The following COL4A2 variants were observed in gnomAD, a reference collection of about 807,000 sequenced individuals.
The protein encoded by COL4A2 is collagen type IV alpha 2 chain.
Under a neutral mutation model 200.2 loss-of-function variants are expected in COL4A2, and 99 were observed. That is an observed-to-expected ratio of 0.49 (90% confidence interval 0.42 to 0.58). The LOEUF (loss-of-function observed/expected upper bound fraction) is 0.58. COL4A2 is among the 20% of genes least tolerant of loss of function. The probability of loss-of-function intolerance (pLI) is 0.00; values close to 1 mark genes in which losing one functional copy is unlikely to be tolerated. For synonymous variants in COL4A2, 897 were observed against 900.6 expected, an observed-to-expected ratio of 1.00 and a Z score of 0.07; for missense variants, 1,950 against 2,314.1, an observed-to-expected ratio of 0.84 and a Z score of 3.23.
intron 3 of COL4A2, among the ~76,000 whole-genome samples, chr13:110,347,237 G>A (rs1876744258): frequency 6.6e-6 from 1 of 152,226 alleles, no homozygotes; most frequent in Non-Finnish European, 1.5e-5. Context: ...TTCCAAGGCA[G>A]CGTTGGCTTA....
intron 40 of COL4A2, among the ~76,000 whole-genome samples, chr13:110,499,700 G>C (rs1883579029): frequency 1.3e-5 from 2 of 152,202 alleles, no homozygotes. Context: ...TCAGTACTTA[G>C]GACGATCCAT....
chr13:110,374,939 A>G (rs114322588), intron 4 of COL4A2, among the ~76,000 whole-genome samples: 1,422 of 111,652 alleles, frequency 0.013, 26 homozygotes, highest in African/African-American at 0.044. Flanking sequence ...AGATCTGCCA[A>G]TTAATCTCCT....
chr13:110,371,343 A>G (rs1878000664), intron 4 of COL4A2, among the ~76,000 whole-genome samples: 1 of 152,250 alleles, frequency 6.6e-6, no homozygotes, highest in African/African-American at 2.4e-5. Flanking sequence ...GTGTGTGTGC[A>G]TGTACCTAGA....
chr13:110,330,408 G>A (rs990130487), intron 3 of COL4A2, among the ~76,000 whole-genome samples: 12 of 151,956 alleles, frequency 7.9e-5, no homozygotes, highest in African/African-American at 2.4e-4. Flanking sequence ...GGGTGGAGGC[G>A]GGGGGGCAGC....
intron 20 of COL4A2, among the ~76,000 whole-genome samples, chr13:110,452,485 G>A (rs11617745): frequency 0.71 from 107,482 of 152,102 alleles, 38,184 homozygotes; most frequent in Middle Eastern, 0.77. Flanking sequence ...TTAATTGTTT[G>A]TTTTTGGAAG....
chr13:110,501,573 C>A (rs1375467297), intron 40 of COL4A2, 95 bp from the exon 41 acceptor site: 65 of 1,107,958 alleles, frequency 5.9e-5, no homozygotes, highest in Non-Finnish European at 8.8e-5. Flanking sequence ...TCGCTAGGCT[C>A]TGGTCCACCA....
intron 3 of COL4A2, among the ~76,000 whole-genome samples, chr13:110,340,649 C>T (rs554634905): frequency 2.6e-5 from 4 of 152,288 alleles, no homozygotes; most frequent in South Asian, 4.1e-4. Flanking sequence ...GGGGCAGCTG[C>T]GGAAGAAAGG....
At chr13:110,488,629 A>G (rs1015063997) in intron 34 of COL4A2, among the ~76,000 whole-genome samples, 3 of 152,172 alleles carry the variant, frequency 2.0e-5, no homozygotes, top group Non-Finnish European at 2.9e-5. Flanking sequence ...GGCTGCCCAA[A>G]CTGAAATCCC....
chr13:110,350,833 G>A (rs948639035), intron 3 of COL4A2, among the ~76,000 whole-genome samples: 7 of 152,158 alleles, frequency 4.6e-5, no homozygotes, highest in African/African-American at 1.4e-4. Flanking sequence ...TTGCCATGGC[G>A]GGGGCCAGCT....
intron 24 of COL4A2, among the ~76,000 whole-genome samples, chr13:110,464,467 C>A (rs556787244): frequency 1.3e-5 from 2 of 152,180 alleles, no homozygotes; most frequent in Non-Finnish European, 2.9e-5. Context: ...CACTGCTGTC[C>A]ACTAAGTTTG....
At chr13:110,503,618 G>GTC in intron 43 of COL4A2, 137 bp downstream of exon 43, 1 of 717,414 alleles carries the variant, frequency 1.4e-6, no homozygotes, top group Non-Finnish European at 2.3e-6. Context: ...GGAAACCAAG[G>GTC]CTGTGCCTCG....
intron 3 of COL4A2, among the ~76,000 whole-genome samples, chr13:110,350,962 G>A (rs899147004): frequency 3.9e-5 from 6 of 152,080 alleles, no homozygotes; most frequent in Admixed American, 6.5e-5. Flanking sequence ...TTTATTTGTG[G>A]TACAACTTCC....
In COL4A2 at chr13:110,512,352, G is replaced by A. The variant is rs1313847520; in HGVS notation, c.*161G>A. ...CTTAGACCTGCCAGCCACTGTCACC[G>A]AGCGGGTGCAAGCACTCGGGGTCCC... On this transcript the variant is annotated 3_prime_UTR_variant, in exon 48 of 48. Coordinates refer to ENST00000360467, the MANE Select transcript of COL4A2 (RefSeq NM_001846.4). The A allele has an allele frequency of 3.9e-5, 50 of 1,270,172 alleles. No individual in the cohort carries two copies. Among genetic ancestry groups the A allele is most frequent in the Admixed American group, 5.8e-5 (2 of 34,628 alleles). 78.7% of individuals were successfully genotyped at this position (1,270,172 alleles called of 1,614,324 possible). A position where few individuals can be genotyped will look rare whatever the true frequency, so the allele number is the denominator to read the frequency against.
chr13:110,490,044 A>T (rs141690929), intron 36 of COL4A2, among the ~76,000 whole-genome samples: 51 of 152,318 alleles, frequency 3.3e-4, no homozygotes, highest in African/African-American at 1.1e-3. Flanking sequence ...GGTGGATGAG[A>T]ATCACTGCAG....
chr13:110,421,650 C>T (rs975770545), intron 4 of COL4A2, among the ~76,000 whole-genome samples: 1 of 152,156 alleles, frequency 6.6e-6, no homozygotes, highest in Non-Finnish European at 1.5e-5. Flanking sequence ...AGGTGGTGGT[C>T]ACACAACATG....
At chr13:110,480,447 T>C (rs1882860965) in intron 31 of COL4A2, 57 bp downstream of exon 31, 2 of 1,531,420 alleles carry the variant, frequency 1.3e-6, no homozygotes, top group African/African-American at 2.7e-5. Flanking sequence ...TCTAATCAAC[T>C]CTGACCTGAG....
chr13:110,486,529 CG>C (rs1255138914), intron 34 of COL4A2, among the ~76,000 whole-genome samples: 3 of 152,196 alleles, frequency 2.0e-5, no homozygotes, highest in African/African-American at 7.2e-5. Flanking sequence ...CCCTAGCACA[CG>C]GCTGGCCTTC....
chr13:110,335,502 A>G (rs1876140258), intron 3 of COL4A2, among the ~76,000 whole-genome samples: 1 of 152,124 alleles, frequency 6.6e-6, no homozygotes, highest in South Asian at 2.1e-4. Flanking sequence ...GCCTTCTGCC[A>G]TGATTGTGAG....
chr13:110,370,162 G>A (rs1336592441), intron 4 of COL4A2, among the ~76,000 whole-genome samples: 1 of 149,504 alleles, frequency 6.7e-6, no homozygotes, highest in Non-Finnish European at 1.5e-5. Flanking sequence ...TTACCAACCA[G>A]ATTATTGCAT....
Sources: allele counts gnomAD v4.1 joint callset (sites outside exome capture counted in the v4.1 genomes callset), GRCh38; gene constraint gnomAD v4.1.1; transcripts MANE v1.5; gene names NCBI Gene and HGNC (gene_info 2026-07-23, HGNC 2026-07-21).